The following ST8SIA2 variants were observed in gnomAD, a reference collection of about 807,000 sequenced individuals.
ST8SIA2 encodes the protein ST8 alpha-N-acetyl-neuraminide alpha-2,8-sialyltransferase 2.
A neutral mutation model predicts 37.6 loss-of-function variants in ST8SIA2; 22 were observed. That is an observed-to-expected ratio of 0.58 (90% CI 0.42 to 0.83). The LOEUF (loss-of-function observed/expected upper bound fraction) is 0.83, where lower values mean the gene tolerates loss of function less well. Ranked by LOEUF, ST8SIA2 falls within the 40% of genes least tolerant of loss-of-function variation. The probability of loss-of-function intolerance (pLI) is 0.00; values close to 1 mark genes in which losing one functional copy is unlikely to be tolerated. For synonymous variants in ST8SIA2, 205 were observed against 201.2 expected (o/e 1.02, Z -0.16); for missense variants, 382 against 484.7 (o/e 0.79, Z 1.99).
chr15:92,444,503 G>A, intron 4 of ST8SIA2, 133 bp from the exon 5 acceptor site: 1 of 1,046,288 alleles, frequency 9.6e-7, no homozygotes. Context: ...GGGCCTGTGA[G>A]TGTGGAGAGA....
intron 5 of ST8SIA2, among the ~76,000 whole-genome samples, chr15:92,456,688 T>C (rs533781415): frequency 6.6e-6 from 1 of 152,260 alleles, no homozygotes; most frequent in South Asian, 2.1e-4. Flanking sequence ...AACTAAGATG[T>C]TCCTCGTGGC....
Position 92,438,413 on chromosome 15 carries a change from G to A in ST8SIA2, c.351G>A (p.Leu117=). Residue 117 remains leucine, a synonymous_variant, in exon 4 of 6, where the codon CTG becomes CTA. Coordinates refer to ENST00000268164, the MANE Select transcript of ST8SIA2 (RefSeq NM_006011.4). ...ACATTTCTGTCCTAAAGGGAACCCTGAAGCCTGGAGATATTATTCATTACA... is the reference window on the plus strand; with the variant it reads ...ACATTTCTGTCCTAAAGGGAACCCTAAAGCCTGGAGATATTATTCATTACA... ...EKDISVLKGT[L]KPGDIIHYIF... The A allele has an allele frequency of 6.2e-7, 1 of 1,614,248 alleles. No homozygotes were observed. Among genetic ancestry groups the A allele is most frequent in the Non-Finnish European group, 8.5e-7 (1 of 1,180,048 alleles).
At chr15:92,408,722 T>C (rs976904537) in intron 1 of ST8SIA2, among the ~76,000 whole-genome samples, 2 of 149,336 alleles carry the variant, frequency 1.3e-5, no homozygotes, top group East Asian at 4.1e-4. Flanking sequence ...TATTTATTTA[T>C]TGAGATGGAG....
intron 1 of ST8SIA2, among the ~76,000 whole-genome samples, chr15:92,427,260 C>CAAAAAAAA: frequency 9.7e-6 from 1 of 102,640 alleles, no homozygotes; most frequent in Non-Finnish European, 2.1e-5. Flanking sequence ...GGGCACTTGG[C>CAAAAAAAA]AAAAAAAAAA....
intron 5 of ST8SIA2, among the ~76,000 whole-genome samples, chr15:92,462,697 A>C (rs1049671412): frequency 1.3e-5 from 2 of 152,216 alleles, no homozygotes; most frequent in African/African-American, 4.8e-5. Flanking sequence ...CAAACCATGG[A>C]GTTTGCTTGA....
Position 92,434,349 on chromosome 15 carries a change from T to C in ST8SIA2, c.264T>C (p.His88=). 6.2e-7 allele frequency: 1 copy of C among 1,614,126 alleles called. No individual in the cohort carries two copies. Among genetic ancestry groups the C allele is most frequent in the African/African-American group, 1.3e-5 (1 of 75,020 alleles). The change falls in exon 3 of 6, where the codon CAT becomes CAC. Residue 88 remains histidine, a synonymous_variant. Transcript: ENST00000268164. ...NIQPASSKWR[H]NQTLSLRIRK... The stretch of plus-strand genomic sequence containing the variant: ...AGCCAGCCTCGTCCAAATGGAGACA[T>C]AACCAGACGCTCTCTCTGAGGATCA...
Position 92,446,309 on chromosome 15 carries a change from G to A in ST8SIA2, c.842+1380G>A, listed in dbSNP as rs890004769. On this transcript the variant is annotated intron_variant, in intron 5 of 5. Transcript: ENST00000268164. ...CATAGTAGCCTTAGAGTGGTCAGAC[G>A]TGTACATGGTGGCCCAGGCTCTAGC... Among the ~76,000 whole-genome samples, 11 of 152,196 alleles carry A rather than the reference G, an allele frequency of 7.2e-5. No homozygotes were observed. The East Asian group carries it at 9.6e-4, about 13-fold the overall frequency.
rs960204107 is a variant in ST8SIA2 at position 92,394,107 on chromosome 15, C to T, written c.43C>T (p.Leu15=). The T allele has an allele frequency of 1.3e-6, 2 of 1,559,526 alleles. No individual in the cohort carries two copies. Among genetic ancestry groups the T allele is most frequent in the South Asian group, 2.4e-5 (2 of 84,608 alleles). ...GAGCTGGATGCTGGCCGCGCTCACG[C>T]TGCTCGTGGTCTTCCTCATCTTCGC... is the stretch of plus-strand genomic sequence containing the variant. ...FRSWMLAALT[L]LVVFLIFADI... is the part of the protein sequence containing the mutation. Residue 15 remains leucine (L), a synonymous_variant, in exon 1 of 6, where the codon CTG becomes TTG. Transcript: ENST00000268164.
At chr15:92,455,975 G>A (rs1026770602) in intron 5 of ST8SIA2, among the ~76,000 whole-genome samples, 4 of 152,228 alleles carry the variant, frequency 2.6e-5, no homozygotes, top group African/African-American at 9.6e-5. Flanking sequence ...TCTGATTGTT[G>A]TTTGAAATTG....
At chr15:92,449,835 T>C (rs922135120) in intron 5 of ST8SIA2, among the ~76,000 whole-genome samples, 1 of 152,244 alleles carries the variant, frequency 6.6e-6, no homozygotes, top group African/African-American at 2.4e-5. Flanking sequence ...TTTTGCCGAT[T>C]TTTTAATGGG....
At position 92,444,838 on chromosome 15, in the gene ST8SIA2, C is replaced by T. The variant is rs1435356917; in HGVS notation, c.751C>T (p.Arg251Cys). Reference protein sequence around the residue: ...PAFMARGGKERVEWVNELILK... With the variant: ...PAFMARGGKECVEWVNELILK... ...CTTCATGGCCCGGGGCGGCAAGGAG[C>T]GTGTTGAGTGGGTCAACGAGCTTAT... is the stretch of plus-strand genomic sequence containing the variant. The change falls in exon 5 of 6, where the codon CGT (arginine) becomes TGT (cysteine). Residue 251 changes from arginine to cysteine, a missense_variant. Physicochemically the swap from Arg to Cys is radical, Grantham distance 180. Transcript: ENST00000268164. The T allele has an allele frequency of 2.5e-6, 4 of 1,613,886 alleles. No individual in the cohort carries two copies. Among genetic ancestry groups the T allele is most frequent in the South Asian group, 2.2e-5 (2 of 91,090 alleles).
intron 1 of ST8SIA2, among the ~76,000 whole-genome samples, chr15:92,404,949 T>G (rs1055786310): frequency 6.6e-6 from 1 of 151,978 alleles, no homozygotes; most frequent in African/African-American, 2.4e-5. Flanking sequence ...TATCCGTCAA[T>G]GAGTGAATGG....
In ST8SIA2 at chr15:92,464,284, G is replaced by A. The variant is rs1306772183; in HGVS notation, c.1027G>A (p.Ala343Thr). 3.7e-6 allele frequency: 6 copies of A among 1,613,848 alleles called. No individual in the cohort carries two copies. Among genetic ancestry groups the A allele is most frequent in the Non-Finnish European group, 5.1e-6 (6 of 1,179,998 alleles). Residue 343 changes from alanine (A) to threonine (T), a missense_variant, in exon 6 of 6, where the codon GCC (alanine) becomes ACC (threonine). Physicochemically the swap from Ala to Thr is moderately conservative, Grantham distance 58. Coordinates refer to ENST00000268164, the MANE Select transcript of ST8SIA2 (RefSeq NM_006011.4). ...CCTCAAGTATGGCTACACCTCCCAGGCCAGCCCGCATACCATGCCCTTGGA... is the reference window on the plus strand; with the variant it reads ...CCTCAAGTATGGCTACACCTCCCAGACCAGCCCGCATACCATGCCCTTGGA... ...DSLKYGYTSQ[A>T]SPHTMPLEFK...
intron 1 of ST8SIA2, among the ~76,000 whole-genome samples, chr15:92,407,027 A>G (rs1042280972): frequency 3.3e-5 from 5 of 150,994 alleles, no homozygotes; most frequent in Non-Finnish European, 7.4e-5. Flanking sequence ...AAAAAAAAAC[A>G]CTACAAAGAA....
chr15:92,456,989 T>C (rs970266389), intron 5 of ST8SIA2, among the ~76,000 whole-genome samples: 6 of 152,212 alleles, frequency 3.9e-5, no homozygotes, highest in African/African-American at 1.4e-4. Context: ...TCTCCAATAC[T>C]GCAGAGATGG....
At chr15:92,437,076 A>C (rs1367801474) in intron 3 of ST8SIA2, among the ~76,000 whole-genome samples, 3 of 152,216 alleles carry the variant, frequency 2.0e-5, no homozygotes, top group Non-Finnish European at 4.4e-5. Flanking sequence ...CCTCAGTGTT[A>C]CTATCTGCGA....
At chr15:92,459,166 T>C (rs924005904) in intron 5 of ST8SIA2, among the ~76,000 whole-genome samples, 1 of 152,198 alleles carries the variant, frequency 6.6e-6, no homozygotes, top group Non-Finnish European at 1.5e-5. Context: ...GAAAAGAAAT[T>C]CATTTCTGAA....
At chr15:92,409,009 C>T (rs1490976093) in intron 1 of ST8SIA2, among the ~76,000 whole-genome samples, 2 of 152,120 alleles carry the variant, frequency 1.3e-5, no homozygotes, top group African/African-American at 2.4e-5. Context: ...CAGCTGAGTA[C>T]CGTCTTATTT....
chr15:92,455,934 G>C (rs1158982987), intron 5 of ST8SIA2, among the ~76,000 whole-genome samples: 1 of 152,216 alleles, frequency 6.6e-6, no homozygotes, highest in East Asian at 1.9e-4. Context: ...ATCAACATTA[G>C]TTATATTTAC....
Sources: gnomAD v4.1 joint callset for allele counts (sites outside exome capture counted in the v4.1 genomes callset) on GRCh38, gnomAD v4.1.1 for gene constraint, MANE v1.5 for transcripts, NCBI Gene and HGNC (gene_info 2026-07-23, HGNC 2026-07-21) for gene names.